DLK1: variants seen among roughly 807,000 people sequenced by gnomAD.
DLK1 encodes protein delta homolog 1.
A neutral mutation model predicts 35.2 loss-of-function variants in DLK1; 9 were observed. The ratio of observed to expected loss-of-function variants is 0.26; its 90% CI spans 0.15 to 0.45. The LOEUF (loss-of-function observed/expected upper bound fraction) is 0.45. Among genes scored for constraint, DLK1 ranks in the 20% least tolerant of loss-of-function variants. DLK1 has a pLI of 1.00. For missense variants in DLK1, 522 were observed against 528.5 expected, an observed-to-expected ratio of 0.99 and a Z score of 0.12; for synonymous variants, 231 against 228.4, an observed-to-expected ratio of 1.01 and a Z score of -0.10.
At position 100,734,238 on chromosome 14, in the gene DLK1, A is replaced by G. The variant is rs1032929261; in HGVS notation, c.494A>G (p.Asn165Ser). ...CTGTGCCCCCCTGGCTTCTCAGGCAATTTCTGCGAGATCGTGGCCAACAGC... is the reference window on the plus strand; with the variant it reads ...CTGTGCCCCCCTGGCTTCTCAGGCAGTTTCTGCGAGATCGTGGCCAACAGC... ...SCLCPPGFSG[N>S]FCEIVANSCT... Residue 165 changes from asparagine to serine, a missense_variant, in exon 5 of 5, where the codon AAT (asparagine) becomes AGT (serine). Transcript: ENST00000341267. This position sits in a 1 kb window ranked among gnomAD's most constrained non-coding sequence, Gnocchi z 7.4. 1 of 1,613,174 alleles carries G rather than the reference A, an allele frequency of 6.2e-7. No homozygotes were observed. Among genetic ancestry groups the G allele is most frequent in the African/African-American group, 1.3e-5 (1 of 74,976 alleles).
chr14:100,731,526 G>A (rs1595207708), intron 3 of DLK1, among the ~76,000 whole-genome samples: 1 of 152,208 alleles, frequency 6.6e-6, no homozygotes, highest in Admixed American at 6.5e-5. Context: ...GACGGAGGGG[G>A]GTCGTTACAT....
chr14:100,732,033 AC>A lies in DLK1; in HGVS notation c.263-5del, dbSNP rs1361144466. The A allele has an allele frequency of 6.2e-7, 1 of 1,605,174 alleles. No homozygotes were observed. The highest frequency in any genetic ancestry group is 8.5e-7 in the Non-Finnish European group (1 of 1,175,338). ...AAGCTAAGTTCTCGTCTTCCCCGTC[AC>A]CCCGCAGATGTTCGGGCCTGCTCCT... is the stretch of plus-strand genomic sequence containing the variant. On this transcript the variant is annotated splice_polypyrimidine_tract_variant and splice_region_variant and intron_variant, in intron 3 of 4. Coordinates refer to ENST00000341267, the MANE Select transcript of DLK1 (RefSeq NM_003836.7).
rs756702496 is a variant in DLK1, at chr14:100,732,035, C to G, written c.263-7C>G. 31 of 1,609,480 alleles carry G rather than the reference C, an allele frequency of 1.9e-5. No individual in the cohort carries two copies. Among genetic ancestry groups the G allele is most frequent in the Middle Eastern group, 1.7e-4 (1 of 6,036 alleles). ...GCTAAGTTCTCGTCTTCCCCGTCAC[C>G]CCGCAGATGTTCGGGCCTGCTCCTC... On this transcript the variant is annotated splice_polypyrimidine_tract_variant and splice_region_variant and intron_variant, in intron 3 of 4. Transcript: ENST00000341267.
In DLK1 at chr14:100,737,443, A is replaced by G. The variant is rs545546979; in HGVS notation, c.*2547A>G. ...CTAAGATTGGTCAGATGATCAAATT[A>G]TCTATGTTTTCGATCTTGATGCTAT... On this transcript the variant is annotated 3_prime_UTR_variant, in exon 5 of 5. Transcript: ENST00000341267. The G allele has an allele frequency of 6.6e-6, 1 of 152,110 alleles. No individual in the cohort carries two copies. The highest frequency in any genetic ancestry group is 2.4e-5 in the African/African-American group (1 of 41,518). The allele number at this position is 152,110 out of a possible 1,614,324, so 9.4% of individuals were successfully genotyped here.
intron 1 of DLK1, 84 bp from the exon 2 acceptor site, chr14:100,728,312 G>A: frequency 6.6e-7 from 1 of 1,506,592 alleles, no homozygotes; most frequent in Non-Finnish European, 9.2e-7. Flanking sequence ...CTCGAGGGCA[G>A]TGGTGGGCTG....
At position 100,734,260 on chromosome 14, in the gene DLK1, C is replaced by T. The variant is rs1282525642; in HGVS notation, c.516C>T (p.Asn172=). ...FSGNFCEIVA[N]SCTPNPCEND... ...GCAATTTCTGCGAGATCGTGGCCAA[C>T]AGCTGCACCCCCAACCCATGCGAGA... The change falls in exon 5 of 5, where the codon AAC becomes AAT. Residue 172 remains asparagine, a synonymous_variant. Coordinates refer to ENST00000341267, the MANE Select transcript of DLK1 (RefSeq NM_003836.7). The surrounding 1 kb of genome is among the most constrained non-coding windows in gnomAD (Gnocchi z 7.4). 1 of 1,613,514 alleles carries T rather than the reference C, an allele frequency of 6.2e-7. No individual in the cohort carries two copies. The highest frequency in any genetic ancestry group is 1.7e-5 in the Admixed American group (1 of 60,034).
chr14:100,735,005 A>C lies in DLK1; in HGVS notation c.*109A>C. ...GCTATCTCTTGTGTCAAATCTGGTGAACGCTACGCTTACATATATTGTCTT... is the reference window on the plus strand; with the variant it reads ...GCTATCTCTTGTGTCAAATCTGGTGCACGCTACGCTTACATATATTGTCTT... On this transcript the variant is annotated 3_prime_UTR_variant, in exon 5 of 5. Coordinates refer to ENST00000341267, the MANE Select transcript of DLK1 (RefSeq NM_003836.7). 3 of 1,417,314 alleles carry C rather than the reference A, an allele frequency of 2.1e-6. No individual in the cohort carries two copies. Among genetic ancestry groups the C allele is most frequent in the Non-Finnish European group, 2.8e-6 (3 of 1,063,298 alleles). 87.8% of individuals were successfully genotyped at this position (1,417,314 alleles called of 1,614,324 possible). A position where few individuals can be genotyped will look rare whatever the true frequency, so the allele number is the denominator to read the frequency against.
chr14:100,729,258 T>G (rs1222426882), intron 3 of DLK1, 192 bp downstream of exon 3: 1 of 984,030 alleles, frequency 1.0e-6, no homozygotes. Context: ...GTAGGGACTT[T>G]ATTTTGCTCT....
At position 100,726,958 on chromosome 14, in the gene DLK1, C is replaced by T. The variant is rs1236235861; in HGVS notation, c.-111C>T. 1.8e-6 allele frequency: 2 copies of T among 1,097,710 alleles called. No homozygotes were observed. Among genetic ancestry groups the T allele is most frequent in the Non-Finnish European group, 2.4e-6 (2 of 834,416 alleles). 68.0% of individuals were successfully genotyped at this position (1,097,710 alleles called of 1,614,324 possible). ...CCCGGTGCAGCCCTGGCTTTCCCCT[C>T]GCTGCGCGCCCGCGCCCCCTTTCGC... On this transcript the variant is annotated 5_prime_UTR_variant, in exon 1 of 5. Coordinates refer to ENST00000341267, the MANE Select transcript of DLK1 (RefSeq NM_003836.7). The surrounding 1 kb of genome is among the most constrained non-coding windows in gnomAD (Gnocchi z 4.2).
Position 100,735,083 on chromosome 14 carries a change from A to G in DLK1, c.*187A>G, listed in dbSNP as rs536768855. 8 of 588,688 alleles carry G rather than the reference A, an allele frequency of 1.4e-5. No individual in the cohort carries two copies. The highest frequency in any genetic ancestry group is 1.3e-4 in the African/African-American group (7 of 53,584). 36.5% of individuals were successfully genotyped at this position (588,688 alleles called of 1,614,324 possible). ...AAAAACAATCCTCTTTCTCTCTCTT[A>G]ATGCATGATACAGAATAATAATAAG... is the stretch of plus-strand genomic sequence containing the variant. On this transcript the variant is annotated 3_prime_UTR_variant, in exon 5 of 5. Coordinates refer to ENST00000341267, the MANE Select transcript of DLK1 (RefSeq NM_003836.7).
chr14:100,731,547 C>T (rs2036507131), intron 3 of DLK1, among the ~76,000 whole-genome samples: 1 of 152,118 alleles, frequency 6.6e-6, no homozygotes, highest in African/African-American at 2.4e-5. Context: ...CTCCATCCCC[C>T]CCACTGCCCC....
intron 4 of DLK1, among the ~76,000 whole-genome samples, chr14:100,732,560 G>T (rs1271055771): frequency 2.0e-5 from 3 of 152,208 alleles, no homozygotes; most frequent in African/African-American, 4.8e-5. Context: ...TATCTCAGGG[G>T]GTGGTTTTGG....
At position 100,734,861 on chromosome 14, in the gene DLK1, A is replaced by T. The variant is rs1322915939; in HGVS notation, c.1117A>T (p.Thr373Ser). ...IIFPEKIDMT[T>S]FSKEAGDEEI ...CTTCCCCGAGAAGATCGACATGACC[A>T]CCTTCAGCAAGGAGGCCGGCGACGA... The change falls in exon 5 of 5, where the codon ACC becomes TCC. Residue 373 changes from threonine to serine, a missense_variant. Thr to Ser is a moderately conservative substitution (Grantham distance 58). Coordinates refer to ENST00000341267, the MANE Select transcript of DLK1 (RefSeq NM_003836.7). This position sits in a 1 kb window ranked among gnomAD's most constrained non-coding sequence, Gnocchi z 7.4. The T allele has an allele frequency of 1.2e-6, 2 of 1,602,616 alleles. No homozygotes were observed. Among genetic ancestry groups the T allele is most frequent in the South Asian group, 1.1e-5 (1 of 90,520 alleles).
chr14:100,727,507 C>T (rs1199108556), intron 1 of DLK1, among the ~76,000 whole-genome samples: 1 of 152,164 alleles, frequency 6.6e-6, no homozygotes, highest in Admixed American at 6.5e-5. Flanking sequence ...TGGAACAGGT[C>T]TCGGGGCGGG....
In DLK1 at chr14:100,736,900, C is replaced by T. The variant is rs1364297803; in HGVS notation, c.*2004C>T. 1.4e-5 allele frequency: 2 copies of T among 142,702 alleles called. No individual in the cohort carries two copies. The highest frequency in any genetic ancestry group is 3.1e-5 in the Non-Finnish European group (2 of 65,202). The allele number at this position is 142,702 out of a possible 1,614,324, so 8.8% of individuals were successfully genotyped here. On this transcript the variant is annotated 3_prime_UTR_variant, in exon 5 of 5. Coordinates refer to ENST00000341267, the MANE Select transcript of DLK1 (RefSeq NM_003836.7). ...CTCCCGTCCCCCAATCCTTCCCCTC[C>T]TGTTAGCCCACCCCTCCTTTCCTAT...
chr14:100,734,588 C>G lies in DLK1; in HGVS notation c.844C>G (p.His282Asp). ...VHELPVQQPE[H>D]RILKVSMKEL... ...CGAGCTGCCGGTGCAGCAGCCGGAG[C>G]ACCGCATCCTGAAGGTGTCCATGAA... Residue 282 changes from histidine (H) to aspartate (D), a missense_variant, in exon 5 of 5, where the codon CAC becomes GAC. Physicochemically the swap from His to Asp is moderately conservative, Grantham distance 81. Coordinates refer to ENST00000341267, the MANE Select transcript of DLK1 (RefSeq NM_003836.7). This position sits in a 1 kb window ranked among gnomAD's most constrained non-coding sequence, Gnocchi z 7.4. The G allele has an allele frequency of 6.2e-7, 1 of 1,613,790 alleles. No individual in the cohort carries two copies. The highest frequency in any genetic ancestry group is 8.5e-7 in the Non-Finnish European group (1 of 1,180,022).
chr14:100,729,221 C>T lies in DLK1; in HGVS notation c.262+155C>T, dbSNP rs759032186. 1.5e-5 allele frequency: 21 copies of T among 1,356,308 alleles called. 1 individual carries two copies. The South Asian group carries it at 2.5e-4, about 16-fold the overall frequency. The allele number at this position is 1,356,308 out of a possible 1,614,324, so 84.0% of individuals were successfully genotyped here. Reference sequence around the variant, plus strand: ...TTCTAAAGATCTGTTTATAAATTTCCTGTGGGTACCGAATGCCTCCTCAGA... The same window carrying T: ...TTCTAAAGATCTGTTTATAAATTTCTTGTGGGTACCGAATGCCTCCTCAGA... On this transcript the variant is annotated intron_variant, in intron 3 of 4. Transcript: ENST00000341267.
At chr14:100,727,159 C>T (rs1462297983) in intron 1 of DLK1, 24 bp downstream of exon 1, 13 of 1,547,194 alleles carry the variant, frequency 8.4e-6, no homozygotes, top group Non-Finnish European at 1.1e-5. Flanking sequence ...CGGCCCGGCT[C>T]GCGCCCCCTC....
chr14:100,731,452 A>C (rs2036505723), intron 3 of DLK1, among the ~76,000 whole-genome samples: 1 of 152,166 alleles, frequency 6.6e-6, no homozygotes. Flanking sequence ...TCAGAGCCTG[A>C]GTGCAGAAAG....
Sources: gnomAD v4.1 joint callset for allele counts (sites outside exome capture counted in the v4.1 genomes callset) on GRCh38, gnomAD v4.1.1 for gene constraint, Gnocchi (gnomAD v3.1) non-coding constraint, MANE v1.5 for transcripts, NCBI Gene and HGNC (gene_info 2026-07-23, HGNC 2026-07-21) for gene names.